TAOK1: variants seen among roughly 807,000 people sequenced by gnomAD.
The protein encoded by TAOK1 is TAO kinase 1, also known as serine/threonine-protein kinase TAO1.
In TAOK1, 21 loss-of-function variants were observed where a neutral mutation model predicts 138.3. That is an observed-to-expected ratio of 0.15 (90% CI 0.11 to 0.22). The LOEUF is 0.22. Ranked by LOEUF, TAOK1 falls within the 10% of genes least tolerant of loss-of-function variation. The pLI, the probability that TAOK1 is intolerant of heterozygous loss-of-function variation, is 1.00. For synonymous variants in TAOK1, 361 were observed against 398.4 expected (o/e 0.91, Z 1.12); for missense variants, 651 against 1,227.7 (o/e 0.53, Z 7.02).
chr17:29,514,941 G>A (rs2031786840), intron 15 of TAOK1: 1 of 149,558 alleles, frequency 6.7e-6, no homozygotes, highest in African/African-American at 2.5e-5. Flanking sequence ...CCATGCTGCA[G>A]GGAGCTGAAT....
chr17:29,466,447 A>G (rs1454702846), intron 2 of TAOK1, among the ~76,000 whole-genome samples: 1 of 152,164 alleles, frequency 6.6e-6, no homozygotes, highest in African/African-American at 2.4e-5. Context: ...CCCAGCCTGT[A>G]ATAGTATATT....
At chr17:29,451,421 C>A in intron 1 of TAOK1, 34 bp from the exon 2 acceptor site, 1 of 1,176,042 alleles carries the variant, frequency 8.5e-7, no homozygotes, top group South Asian at 1.8e-5. Context: ...GCAGTTTTTG[C>A]CTTTTCTGAC....
intron 19 of TAOK1, among the ~76,000 whole-genome samples, chr17:29,538,060 TGA>T (rs2032253536): frequency 7.2e-6 from 1 of 139,770 alleles, no homozygotes; most frequent in South Asian, 2.2e-4. Context: ...TGCAGTGAGC[TGA>T]GATCACGCCA....
chr17:29,500,577 C>G (rs957157048), intron 12 of TAOK1, among the ~76,000 whole-genome samples: 1 of 151,918 alleles, frequency 6.6e-6, no homozygotes, highest in African/African-American at 2.4e-5. Context: ...ACCGTCTCTA[C>G]TAAAAATACA....
chr17:29,481,563 T>G (rs1265393827), intron 7 of TAOK1, among the ~76,000 whole-genome samples: 1 of 152,134 alleles, frequency 6.6e-6, no homozygotes. Context: ...ATATGAAATA[T>G]TATAATCTGC....
rs2032348088 is a variant in TAOK1, at chr17:29,543,167, TTC to T, written c.*147_*148del. 1 of 749,256 alleles carries T rather than the reference TTC, an allele frequency of 1.3e-6. No homozygotes were observed. The highest frequency in any genetic ancestry group is 3.3e-5 in the Admixed American group (1 of 30,428). 46.4% of individuals were successfully genotyped at this position (749,256 alleles called of 1,614,324 possible). A position where few individuals can be genotyped will look rare whatever the true frequency, so the allele number is the denominator to read the frequency against. ...ATATTTTATTCATTTTTGTAAAGCG[TTC>T]TGTTTTGTGTTTACTAATTGGGATG... is the stretch of plus-strand genomic sequence containing the variant. On this transcript the variant is annotated 3_prime_UTR_variant, in exon 20 of 20. Transcript: ENST00000261716.
intron 17 of TAOK1, among the ~76,000 whole-genome samples, chr17:29,524,777 AG>A (rs1179922032): frequency 2.0e-5 from 3 of 152,150 alleles, no homozygotes; most frequent in Non-Finnish European, 4.4e-5. Context: ...AGGAGACTGC[AG>A]TTGGAACATT....
intron 3 of TAOK1, among the ~76,000 whole-genome samples, chr17:29,472,345 C>T (rs1431003727): frequency 1.3e-5 from 2 of 151,200 alleles, no homozygotes; most frequent in African/African-American, 4.9e-5. Context: ...CTCTGCCTCC[C>T]GGGTTCAAGC....
At chr17:29,399,729 G>C (rs1281020045) in intron 1 of TAOK1, among the ~76,000 whole-genome samples, 2 of 151,800 alleles carry the variant, frequency 1.3e-5, no homozygotes, top group African/African-American at 4.8e-5. Flanking sequence ...AGTACTTAAT[G>C]GGAGTTTTTT....
intron 1 of TAOK1, among the ~76,000 whole-genome samples, chr17:29,397,640 A>C (rs1904666798): frequency 7.0e-6 from 1 of 141,876 alleles, no homozygotes; most frequent in Non-Finnish European, 1.5e-5. Flanking sequence ...ACATGTATAC[A>C]TGTATATATG....
chr17:29,516,271 A>T (rs115672747), intron 15 of TAOK1, among the ~76,000 whole-genome samples: 2,010 of 152,018 alleles, frequency 0.013, 43 homozygotes, highest in African/African-American at 0.045. Flanking sequence ...AAGAACTTTT[A>T]TTTAAAATTT....
intron 1 of TAOK1, among the ~76,000 whole-genome samples, chr17:29,414,973 G>A (rs553797836): frequency 3.3e-5 from 5 of 151,214 alleles, no homozygotes; most frequent in East Asian, 2.0e-4. Context: ...TTTTTTGCTC[G>A]GGGGTGGAGG....
At chr17:29,442,247 G>A (rs1307494061) in intron 1 of TAOK1, among the ~76,000 whole-genome samples, 2 of 151,692 alleles carry the variant, frequency 1.3e-5, no homozygotes, top group Admixed American at 6.6e-5. Context: ...GGTCTCCCTA[G>A]TTTGCTTAGG....
In TAOK1 at chr17:29,502,671, A is replaced by G. The variant is rs1375891850; in HGVS notation, c.1286A>G (p.Lys429Arg). 1.2e-6 allele frequency: 2 copies of G among 1,614,090 alleles called. No individual in the cohort carries two copies. Among genetic ancestry groups the G allele is most frequent in the East Asian group, 2.2e-5 (1 of 44,870 alleles). Residue 429 changes from lysine to arginine, a missense_variant, in exon 13 of 20, where the codon AAA becomes AGA. This residue lies in a region of TAOK1 where 104 missense variants were observed against 151.7 expected (regional missense o/e 0.69). Coordinates refer to ENST00000261716, the MANE Select transcript of TAOK1 (RefSeq NM_020791.4). ...TCTCCACCCCAAGTATCTCGTCACAAATCACACTATCGTAATCGAGAACAC... is the reference window on the plus strand; with the variant it reads ...TCTCCACCCCAAGTATCTCGTCACAGATCACACTATCGTAATCGAGAACAC... ...PQSPPQVSRH[K>R]SHYRNREHFA... is the part of the protein sequence containing the mutation.
chr17:29,410,737 G>A (rs1332729705), intron 1 of TAOK1, among the ~76,000 whole-genome samples: 2 of 149,126 alleles, frequency 1.3e-5, no homozygotes, highest in Non-Finnish European at 3.0e-5. Context: ...CTGGGTTCAA[G>A]CGATTCTCCT....
At chr17:29,485,045 G>A (rs1434770644) in intron 8 of TAOK1, among the ~76,000 whole-genome samples, 1 of 152,022 alleles carries the variant, frequency 6.6e-6, no homozygotes, top group Non-Finnish European at 1.5e-5. Context: ...TACCATTATT[G>A]GTCTTGATAA....
chr17:29,429,134 G>A (rs1156541173), intron 1 of TAOK1, among the ~76,000 whole-genome samples: 9 of 152,064 alleles, frequency 5.9e-5, no homozygotes, highest in Admixed American at 5.9e-4. Flanking sequence ...TATTCTTATG[G>A]AAGCAGATGG....
chr17:29,398,184 A>G (rs927133942), intron 1 of TAOK1, among the ~76,000 whole-genome samples: 1 of 151,864 alleles, frequency 6.6e-6, no homozygotes, highest in East Asian at 1.9e-4. Context: ...TAACTTCTTT[A>G]TTTAACTATT....
At position 29,522,408 on chromosome 17, in the gene TAOK1, A is replaced by G. The variant is rs147248232; in HGVS notation, c.2037A>G (p.Arg679=). 1.9e-6 allele frequency: 3 copies of G among 1,614,084 alleles called. No individual in the cohort carries two copies. The highest frequency in any genetic ancestry group is 1.3e-5 in the African/African-American group (1 of 74,932). ...TIQKMRCELI[R]LQHQTELTNQ... is the part of the protein sequence containing the mutation. ...AGAAGATGCGCTGTGAGTTGATCAG[A>G]TTACAGCATCAAACTGAGCTCACTA... Residue 679 remains arginine (R), a synonymous_variant, in exon 17 of 20, where the codon AGA becomes AGG. Coordinates refer to ENST00000261716, the MANE Select transcript of TAOK1 (RefSeq NM_020791.4).
Sources: allele counts gnomAD v4.1 joint callset (sites outside exome capture counted in the v4.1 genomes callset), GRCh38; gene constraint gnomAD v4.1.1; regional missense constraint gnomAD v4.1.1; transcripts MANE v1.5; gene names NCBI Gene and HGNC (gene_info 2026-07-23, HGNC 2026-07-21).